ANKRD45: variants seen among roughly 807,000 people sequenced by gnomAD.
ANKRD45 encodes ankyrin repeat domain-containing protein 45.
A neutral mutation model predicts 28.1 loss-of-function variants in ANKRD45; 21 were observed. The ratio of observed to expected loss-of-function variants is 0.75; its 90% CI spans 0.53 to 1.08. The LOEUF is 1.08. Among genes scored for constraint, ANKRD45 ranks in the 50% least tolerant of loss-of-function variants. ANKRD45 has a pLI of 0.00. For missense variants in ANKRD45, 261 were observed against 308.7 expected, an observed-to-expected ratio of 0.85 and a Z score of 1.16; for synonymous variants, 86 against 103.9, an observed-to-expected ratio of 0.83 and a Z score of 1.05.
At chr1:173,613,600 T>TG (rs1470129445) in intron 5 of ANKRD45, among the ~76,000 whole-genome samples, 5 of 71,270 alleles carry the variant, frequency 7.0e-5, no homozygotes, top group South Asian at 4.0e-4. Flanking sequence ...GGGAGGGAGG[T>TG]GGGGGGTCAG....
intron 3 of ANKRD45, among the ~76,000 whole-genome samples, chr1:173,628,119 C>T (rs180765755): frequency 1.3e-5 from 2 of 151,856 alleles, no homozygotes; most frequent in East Asian, 3.9e-4. Context: ...GAATAAGCAG[C>T]AATGATACCT....
chr1:173,676,916 C>A, the ANKRD45 span, among the ~76,000 whole-genome samples: 8 of 150,852 alleles, frequency 5.3e-5, no homozygotes, highest in Non-Finnish European at 5.9e-5. Flanking sequence ...ACAAATACAG[C>A]CCAAAGAAAA....
intron 3 of ANKRD45, among the ~76,000 whole-genome samples, chr1:173,628,298 G>A (rs1668028681): frequency 1.3e-5 from 2 of 152,012 alleles, no homozygotes; most frequent in Non-Finnish European, 2.9e-5. Flanking sequence ...TACCAGCTCA[G>A]CCACAGTGGT....
chr1:173,674,362 T>C (rs568362096), upstream of ANKRD45, among the ~76,000 whole-genome samples: 6 of 151,982 alleles, frequency 3.9e-5, no homozygotes, highest in South Asian at 2.1e-4. Flanking sequence ...TTTTTTTTTT[T>C]CCACATTCAC....
At chr1:173,656,489 T>C (rs749187776) in intron 2 of ANKRD45, among the ~76,000 whole-genome samples, 47 of 152,240 alleles carry the variant, frequency 3.1e-4, no homozygotes, top group Admixed American at 1.8e-3. Flanking sequence ...CTAATCTTTA[T>C]ATCCAGTAGT....
At chr1:173,634,305 G>A (rs1282587194) in intron 3 of ANKRD45, among the ~76,000 whole-genome samples, 1 of 151,716 alleles carries the variant, frequency 6.6e-6, no homozygotes, top group Non-Finnish European at 1.5e-5. Context: ...GCACTCCACA[G>A]ATACAGACAT....
chr1:173,640,776 A>G (rs527301150), intron 3 of ANKRD45, among the ~76,000 whole-genome samples: 3 of 152,136 alleles, frequency 2.0e-5, no homozygotes, highest in Non-Finnish European at 2.9e-5. Flanking sequence ...TGAGACACCA[A>G]TTGTCTGCTC....
At chr1:173,662,045 C>A (rs1243539229) in intron 1 of ANKRD45, among the ~76,000 whole-genome samples, 1 of 152,112 alleles carries the variant, frequency 6.6e-6, no homozygotes, top group Non-Finnish European at 1.5e-5. Flanking sequence ...GGCCAGGGAG[C>A]AGATATTTTA....
At chr1:173,658,883 A>G in intron 2 of ANKRD45, 1 of 716,600 alleles carries the variant, frequency 1.4e-6, no homozygotes, top group Non-Finnish European at 1.9e-6. Context: ...GCTAATAAAT[A>G]GTAAAGTCTA....
At chr1:173,689,948 T>C in the ANKRD45 span, among the ~76,000 whole-genome samples, 2 of 151,332 alleles carry the variant, frequency 1.3e-5, no homozygotes, top group African/African-American at 4.9e-5. Flanking sequence ...CCCAAGTGTA[T>C]AACTGAGGTC....
At chr1:173,698,384 C>T in the ANKRD45 span, among the ~76,000 whole-genome samples, 1 of 152,140 alleles carries the variant, frequency 6.6e-6, no homozygotes, top group African/African-American at 2.4e-5. Flanking sequence ...CTCAGCACCA[C>T]ATTGTACTTA....
chr1:173,678,689 T>C, the ANKRD45 span, among the ~76,000 whole-genome samples: 3 of 152,168 alleles, frequency 2.0e-5, no homozygotes, highest in Non-Finnish European at 4.4e-5. Flanking sequence ...CAACATAGTA[T>C]TGGAAGTTCT....
At chr1:173,693,860 C>T in the ANKRD45 span, among the ~76,000 whole-genome samples, 1 of 152,188 alleles carries the variant, frequency 6.6e-6, no homozygotes, top group Non-Finnish European at 1.5e-5. Context: ...TCTATAAAAC[C>T]TCACAGTCCA....
chr1:173,681,223 G>T, the ANKRD45 span, among the ~76,000 whole-genome samples: 1 of 152,078 alleles, frequency 6.6e-6, no homozygotes, highest in East Asian at 1.9e-4. Context: ...AATCCCTTAA[G>T]AAAATTTTAC....
At chr1:173,712,187 G>A in the ANKRD45 span, among the ~76,000 whole-genome samples, 1 of 152,106 alleles carries the variant, frequency 6.6e-6, no homozygotes, top group African/African-American at 2.4e-5. Context: ...AAACCACAGT[G>A]AATTACCATT....
At chr1:173,705,051 A>G in the ANKRD45 span, among the ~76,000 whole-genome samples, 1 of 152,140 alleles carries the variant, frequency 6.6e-6, no homozygotes, top group African/African-American at 2.4e-5. Flanking sequence ...CCAGAGAGGG[A>G]GTGAGACCTT....
intron 5 of ANKRD45, among the ~76,000 whole-genome samples, chr1:173,613,389 G>T (rs1056032758): frequency 6.6e-6 from 1 of 150,982 alleles, no homozygotes; most frequent in Non-Finnish European, 1.5e-5. Context: ...GAGCCCCTCC[G>T]CCTGGCAGCT....
intron 3 of ANKRD45, among the ~76,000 whole-genome samples, chr1:173,643,278 A>G (rs546335697): frequency 6.9e-4 from 103 of 149,276 alleles, no homozygotes; most frequent in Non-Finnish European, 1.2e-3. Context: ...GGTTCAAGCG[A>G]TTCTCCTGCC....
chr1:173,697,933 GAC>G, the ANKRD45 span, among the ~76,000 whole-genome samples: 1 of 151,384 alleles, frequency 6.6e-6, no homozygotes, highest in Non-Finnish European at 1.5e-5. Flanking sequence ...CTCAAGTACA[GAC>G]ACACATATAG....
Sources: gnomAD v4.1 joint callset for allele counts (sites outside exome capture counted in the v4.1 genomes callset) on GRCh38, gnomAD v4.1.1 for gene constraint, MANE v1.5 for transcripts, NCBI Gene and HGNC (gene_info 2026-07-23, HGNC 2026-07-21) for gene names.